MYRFL: variants seen among roughly 807,000 people sequenced by gnomAD.
MYRFL encodes the protein myelin regulatory factor like, also known as myelin regulatory factor-like protein.
Under a neutral mutation model 109.4 loss-of-function variants are expected in MYRFL, and 88 were observed. The observed-to-expected ratio is 0.80, with a 90% CI of 0.68 to 0.96. The LOEUF (loss-of-function observed/expected upper bound fraction) is 0.96. MYRFL is among the 40% of genes least tolerant of loss of function. The pLI, the probability that MYRFL is intolerant of heterozygous loss-of-function variation, is 0.00. For missense variants in MYRFL, 957 were observed against 954.9 expected (o/e 1.00, Z -0.03); for synonymous variants, 324 against 320.9 (o/e 1.01, Z -0.10).
At chr12:69,886,089 A>G (rs1027061332) in intron 5 of MYRFL, among the ~76,000 whole-genome samples, 2 of 152,190 alleles carry the variant, frequency 1.3e-5, no homozygotes, top group Non-Finnish European at 2.9e-5. Context: ...ATTCAAAAAA[A>G]AGCAAACCCT....
intron 2 of MYRFL, among the ~76,000 whole-genome samples, chr12:69,865,246 A>G (rs1235713852): frequency 1.3e-5 from 2 of 152,214 alleles, no homozygotes; most frequent in African/African-American, 2.4e-5. Context: ...GCTTGGGTTC[A>G]ATGAGGAGTG....
At chr12:69,879,522 G>A (rs1402069884) in intron 4 of MYRFL, 69 bp downstream of exon 4, 3 of 647,462 alleles carry the variant, frequency 4.6e-6, no homozygotes, top group South Asian at 1.7e-5. Flanking sequence ...CCTCTGGCAG[G>A]CACCTAGAGA....
At chr12:69,938,593 C>G (rs964287243) in intron 19 of MYRFL, among the ~76,000 whole-genome samples, 4 of 152,050 alleles carry the variant, frequency 2.6e-5, no homozygotes, top group Admixed American at 6.5e-5. Flanking sequence ...TGATCCTGAC[C>G]TTGTACAGGC....
At chr12:69,903,880 A>T (rs1954270621) in intron 11 of MYRFL, 36 bp downstream of exon 11, 1 of 1,483,778 alleles carries the variant, frequency 6.7e-7, no homozygotes, top group Non-Finnish European at 8.9e-7. Flanking sequence ...CCCTCCTCTG[A>T]CACCCCAGTC....
At chr12:69,866,184 A>G (rs995198090) in intron 2 of MYRFL, among the ~76,000 whole-genome samples, 3 of 152,136 alleles carry the variant, frequency 2.0e-5, no homozygotes, top group African/African-American at 7.2e-5. Context: ...GTCTAAAATT[A>G]TCTACCAAAT....
chr12:69,931,657 C>A (rs947880788), intron 15 of MYRFL, among the ~76,000 whole-genome samples: 4 of 151,876 alleles, frequency 2.6e-5, no homozygotes, highest in Non-Finnish European at 5.9e-5. Flanking sequence ...ATCCCAAATT[C>A]CCCGGAAGCA....
At chr12:69,883,706 T>TAAAA (rs59904690) in intron 5 of MYRFL, among the ~76,000 whole-genome samples, 6 of 125,458 alleles carry the variant, frequency 4.8e-5, no homozygotes, top group South Asian at 2.7e-4. Context: ...CTACAAAAAG[T>TAAAA]AAAAAAAAAA....
At chr12:69,863,854 A>G (rs1044191964) in intron 2 of MYRFL, among the ~76,000 whole-genome samples, 4 of 152,142 alleles carry the variant, frequency 2.6e-5, no homozygotes, top group African/African-American at 9.7e-5. Context: ...AGATTTTCTT[A>G]GTTTTCTTCC....
At chr12:69,956,188 TAAAA>T (rs34735216) in intron 22 of MYRFL, among the ~76,000 whole-genome samples, 2 of 142,208 alleles carry the variant, frequency 1.4e-5, no homozygotes, top group African/African-American at 2.6e-5. Context: ...TCAGGACACA[TAAAA>T]AAAAAAAAAA....
chr12:69,860,270 G>C (rs1276650907), intron 2 of MYRFL, among the ~76,000 whole-genome samples: 1 of 152,162 alleles, frequency 6.6e-6, no homozygotes, highest in Non-Finnish European at 1.5e-5. Flanking sequence ...TCCCTGCAAA[G>C]GACATGATCT....
intron 22 of MYRFL, among the ~76,000 whole-genome samples, chr12:69,957,114 C>T (rs1433584173): frequency 1.3e-5 from 2 of 152,214 alleles, no homozygotes; most frequent in African/African-American, 4.8e-5. Flanking sequence ...AAATAGATCT[C>T]ATCCTCTTGA....
At chr12:69,929,918 G>A (rs1003113338) in intron 15 of MYRFL, among the ~76,000 whole-genome samples, 1 of 152,252 alleles carries the variant, frequency 6.6e-6, no homozygotes, top group African/African-American at 2.4e-5. Context: ...TTAGAAGGGT[G>A]CATGGCACAT....
At chr12:69,893,862 T>C in intron 8 of MYRFL, 22 bp downstream of exon 8, 1 of 1,242,594 alleles carries the variant, frequency 8.0e-7, no homozygotes, top group Non-Finnish European at 1.0e-6. Flanking sequence ...TTTTCTGAAT[T>C]CCTTTGTGAA....
At chr12:69,914,957 A>G (rs1210582119) in intron 13 of MYRFL, among the ~76,000 whole-genome samples, 1 of 152,166 alleles carries the variant, frequency 6.6e-6, no homozygotes. Context: ...ACATCTCCCC[A>G]CTCTGATGAT....
intron 1 of MYRFL, 42 bp downstream of exon 1, chr12:69,825,605 A>T (rs1395894885): frequency 8.6e-6 from 6 of 696,352 alleles, no homozygotes; most frequent in Non-Finnish European, 1.6e-5. Flanking sequence ...GCTTCTGAGA[A>T]ATGCTCACTA....
chr12:69,878,293 A>T (rs990705183), intron 2 of MYRFL, among the ~76,000 whole-genome samples: 3 of 152,012 alleles, frequency 2.0e-5, no homozygotes, highest in Non-Finnish European at 4.4e-5. Context: ...AACAGAAAAA[A>T]GTTATTTTCT....
At chr12:69,882,779 C>CA (rs1487065920) in intron 5 of MYRFL, among the ~76,000 whole-genome samples, 1 of 152,182 alleles carries the variant, frequency 6.6e-6, no homozygotes, top group Non-Finnish European at 1.5e-5. Context: ...TGGAAGGCTT[C>CA]AATCTTCTCT....
At chr12:69,840,152 A>C (rs1883163211) in intron 1 of MYRFL, among the ~76,000 whole-genome samples, 1 of 152,188 alleles carries the variant, frequency 6.6e-6, no homozygotes, top group Non-Finnish European at 1.5e-5. Flanking sequence ...CTATGAATGC[A>C]ATCAGTCACG....
At chr12:69,915,787 G>C (rs1004426131) in intron 13 of MYRFL, among the ~76,000 whole-genome samples, 1 of 151,958 alleles carries the variant, frequency 6.6e-6, no homozygotes, top group Admixed American at 6.6e-5. Context: ...TTAGACCGGT[G>C]GCAGCTTGGC....
Sources: allele counts gnomAD v4.1 joint callset (sites outside exome capture counted in the v4.1 genomes callset), GRCh38; gene constraint gnomAD v4.1.1; transcripts MANE v1.5; gene names NCBI Gene and HGNC (gene_info 2026-07-23, HGNC 2026-07-21).